Variants in CCDC14 observed in about 807,000 individuals in gnomAD.
CCDC14 encodes coiled-coil domain containing 14.
Under a neutral mutation model 81.4 loss-of-function variants are expected in CCDC14, and 71 were observed. The ratio of observed to expected loss-of-function variants is 0.87; its 90% CI spans 0.72 to 1.06. The LOEUF (loss-of-function observed/expected upper bound fraction) is 1.06. Ranked by LOEUF, CCDC14 falls within the 50% of genes least tolerant of loss-of-function variation. The pLI is 0.00. For synonymous variants in CCDC14, 332 were observed against 364.8 expected (o/e 0.91, Z 1.03); for missense variants, 1,046 against 1,047.3 (o/e 1.00, Z 0.02).
chr3:123,915,428 G>A lies in CCDC14; in HGVS notation c.2069C>T (p.Thr690Ile), dbSNP rs200972510. The A allele has an allele frequency of 6.2e-7, 1 of 1,613,884 alleles. No homozygotes were observed. Among genetic ancestry groups the A allele is most frequent in the African/African-American group, 1.3e-5 (1 of 74,928 alleles). The change falls in exon 13 of 13, where the codon ACT becomes ATT. Residue 690 changes from threonine to isoleucine, a missense_variant. By Grantham distance (89) the Thr-to-Ile change is moderately conservative. Coordinates refer to ENST00000409697, the MANE Select transcript of CCDC14 (RefSeq NM_001366335.1). ...TGCAGATGCTTCCTCCATGCCCCTA[G>A]TGTTACTATTTTGAGGGCCTCTGGA... ...LSSRGPQNSNTRGMEEASAPG... is the reference protein window; with the variant it reads ...LSSRGPQNSNIRGMEEASAPG...
chr3:123,897,622 A>G, intron 5 of CCDC14: 2 of 1,170,902 alleles, frequency 1.7e-6, no homozygotes, highest in Non-Finnish European at 2.2e-6. Context: ...GTCTGAAAGA[A>G]TAGAAATGAC....
intron 1 of CCDC14, among the ~76,000 whole-genome samples, chr3:123,959,651 A>G (rs2037555425): frequency 6.6e-6 from 1 of 152,066 alleles, no homozygotes; most frequent in Non-Finnish European, 1.5e-5. Context: ...TGCTCTTCTT[A>G]TATTACCCCT....
Position 123,900,480 on chromosome 3 carries a change from G to C in CCDC14, c.668-2867C>G, listed in dbSNP as rs1392057441. On this transcript the variant is annotated intron_variant, in intron 5 of 5. Transcript: ENST00000479903. ...CTCTCAGCAAGACCATAACTGAACA[G>C]TCTTAGAAAGGTGTATATCCACTTT... Among the ~76,000 whole-genome samples the C allele has an allele frequency of 2.0e-5, 3 of 152,318 alleles. No homozygotes were observed. In the South Asian group the frequency reaches 6.2e-4, roughly 32 times the overall value.
intron 1 of CCDC14, chr3:123,957,402 G>A (rs770014516): frequency 6.6e-6 from 1 of 152,054 alleles, no homozygotes; most frequent in Non-Finnish European, 1.5e-5. Flanking sequence ...AAACATGCAA[G>A]TTAATTCATG....
At chr3:123,936,984 T>C (rs2141606) in intron 9 of CCDC14, among the ~76,000 whole-genome samples, 16,788 of 152,136 alleles carry the variant, frequency 0.11, 2,078 homozygotes, top group East Asian at 0.42. Context: ...TATACTCTTT[T>C]AGCCTGGCTT....
At chr3:123,918,954 AG>A (rs1370051247) in intron 12 of CCDC14, among the ~76,000 whole-genome samples, 2 of 152,150 alleles carry the variant, frequency 1.3e-5, no homozygotes, top group Non-Finnish European at 2.9e-5. Flanking sequence ...CCAACCCTTA[AG>A]CAGAGTCTCA....
In CCDC14 at chr3:123,913,434, TTTA is replaced by T. The variant is rs2034493764; in HGVS notation, c.*1342_*1344del. 4 of 980,566 alleles carry T rather than the reference TTTA, an allele frequency of 4.1e-6. No individual in the cohort carries two copies. The highest frequency in any genetic ancestry group is 9.5e-5 in the South Asian group (2 of 21,164). The allele number at this position is 980,566 out of a possible 1,614,324, so 60.7% of individuals were successfully genotyped here. A position where few individuals can be genotyped will look rare whatever the true frequency, so the allele number is the denominator to read the frequency against. On this transcript the variant is annotated 3_prime_UTR_variant, in exon 13 of 13. Transcript: ENST00000409697. ...ACAGATGACACAATTTTTTTCCTTT[TTTA>T]TTATTTTTTATTTCTGAACTTATTT...
chr3:123,906,736 T>C (rs2034320866), intron 5 of CCDC14, among the ~76,000 whole-genome samples: 2 of 152,212 alleles, frequency 1.3e-5, no homozygotes, highest in South Asian at 4.1e-4. Flanking sequence ...CCATGACACA[T>C]TTCTTAGAAG....
Position 123,961,193 on chromosome 3 carries a change from G to C in CCDC14, c.-20C>G, listed in dbSNP as rs1226577284. 2 of 1,551,634 alleles carry C rather than the reference G, an allele frequency of 1.3e-6. No individual in the cohort carries two copies. Among genetic ancestry groups the C allele is most frequent in the Admixed American group, 2.0e-5 (1 of 51,006 alleles). On this transcript the variant is annotated 5_prime_UTR_variant, in exon 1 of 13. Transcript: ENST00000409697. The stretch of plus-strand genomic sequence containing the variant: ...GACCATCTCTCGCCGCCTCAGAGAA[G>C]CCCAGACCGAGGGAAGTGAAGCCTC...
At chr3:123,944,412 A>G (rs2036520075) in intron 9 of CCDC14, among the ~76,000 whole-genome samples, 1 of 152,120 alleles carries the variant, frequency 6.6e-6, no homozygotes, top group Non-Finnish European at 1.5e-5. Flanking sequence ...TAGACAACAC[A>G]TACTGAGACA....
chr3:123,916,063 A>G (rs1188107209), intron 12 of CCDC14, among the ~76,000 whole-genome samples: 1 of 149,254 alleles, frequency 6.7e-6, no homozygotes, highest in African/African-American at 2.5e-5. Context: ...CAGTGGAATG[A>G]TCTCAGCTCA....
At chr3:123,905,413 G>A (rs1241324094) in intron 5 of CCDC14, among the ~76,000 whole-genome samples, 1 of 152,178 alleles carries the variant, frequency 6.6e-6, no homozygotes, top group African/African-American at 2.4e-5. Flanking sequence ...CAGTGACACT[G>A]AGTATTTGAG....
intron 5 of CCDC14, among the ~76,000 whole-genome samples, chr3:123,904,187 G>C (rs1245576516): frequency 6.6e-6 from 1 of 152,082 alleles, no homozygotes; most frequent in African/African-American, 2.4e-5. Flanking sequence ...TAGTCATCTA[G>C]AGGGATTTCC....
At chr3:123,887,190 A>T in the CCDC14 span, among the ~76,000 whole-genome samples, 2 of 152,114 alleles carry the variant, frequency 1.3e-5, no homozygotes, top group African/African-American at 2.4e-5. Context: ...TTCCTATTTA[A>T]CCCTAATTTA....
the CCDC14 span, among the ~76,000 whole-genome samples, chr3:123,887,918 A>C: frequency 8.6e-5 from 13 of 151,442 alleles, no homozygotes; most frequent in African/African-American, 3.2e-4. Flanking sequence ...AATCTTTTTA[A>C]TTTCTTTCTT....
At chr3:123,901,771 G>T (rs2034184043) in intron 5 of CCDC14, among the ~76,000 whole-genome samples, 1 of 152,080 alleles carries the variant, frequency 6.6e-6, no homozygotes, top group South Asian at 2.1e-4. Context: ...TTCATACAAA[G>T]GATCACTTTC....
At chr3:123,957,727 C>T (rs2037409529) in intron 1 of CCDC14, 1 of 151,940 alleles carries the variant, frequency 6.6e-6, no homozygotes, top group Non-Finnish European at 1.5e-5. Context: ...ATCTGGGGGA[C>T]AGAGCGAGAA....
chr3:123,892,626 G>C (rs1440195456), downstream of CCDC14, among the ~76,000 whole-genome samples: 6 of 152,018 alleles, frequency 3.9e-5, no homozygotes, highest in African/African-American at 1.5e-4. Flanking sequence ...ACTTTCACAA[G>C]AACAGCACAG....
intron 6 of CCDC14, 46 bp from the exon 7 acceptor site, chr3:123,948,831 A>G: frequency 6.3e-7 from 1 of 1,580,162 alleles, no homozygotes; most frequent in Non-Finnish European, 8.6e-7. Flanking sequence ...CCTACTTTTT[A>G]TACAGTAACC....
Sources: gnomAD v4.1 joint callset for allele counts (sites outside exome capture counted in the v4.1 genomes callset) on GRCh38, gnomAD v4.1.1 for gene constraint, MANE v1.5 for transcripts, NCBI Gene and HGNC (gene_info 2026-07-23, HGNC 2026-07-21) for gene names.